Variants in LAMP2 observed in about 807,000 individuals in gnomAD.
LAMP2 encodes lysosome associated membrane protein 2, also known as lysosome-associated membrane glycoprotein 2.
In LAMP2, 4 loss-of-function variants were observed where a neutral mutation model predicts 25.6. The observed-to-expected ratio is 0.16, with a 90% CI of 0.08 to 0.36. The LOEUF (loss-of-function observed/expected upper bound fraction) is 0.36. Among genes scored for constraint, LAMP2 ranks in the 10% least tolerant of loss-of-function variants. LAMP2 has a pLI of 1.00. For synonymous variants in LAMP2, 108 were observed against 112.7 expected (o/e 0.96, Z 0.27); for missense variants, 272 against 301.4 (o/e 0.90, Z 0.72).
intron 4 of LAMP2, 111 bp from the exon 5 acceptor site, chrX:120,448,136 T>G: frequency 1.6e-6 from 1 of 637,090 alleles, no homozygotes; most frequent in Non-Finnish European, 2.6e-6. Context: ...AGGGTTATAT[T>G]AGGGGAAGAG....
At chrX:120,463,072 CA>C (rs946425381) in intron 1 of LAMP2, among the ~76,000 whole-genome samples, 4 of 111,967 alleles carry the variant, frequency 3.6e-5, no homozygotes, top group African/African-American at 1.3e-4. Flanking sequence ...TGATGTTGAG[CA>C]AAAGGTCTTT....
intron 1 of LAMP2, among the ~76,000 whole-genome samples, chrX:120,463,851 A>AG (rs1404911306): frequency 9.3e-6 from 1 of 107,947 alleles, no homozygotes; most frequent in African/African-American, 3.5e-5. Context: ...CAGATGTGAT[A>AG]ATCAATGACT....
chrX:120,434,243 T>C (rs1885314433), intron 8 of LAMP2, among the ~76,000 whole-genome samples: 1 of 112,068 alleles, frequency 8.9e-6, no homozygotes, highest in African/African-American at 3.2e-5. Context: ...CTTTCCCAAA[T>C]TGGGTATTTG....
At chrX:120,456,036 ATTT>A (rs66809896) in intron 2 of LAMP2, among the ~76,000 whole-genome samples, 10 of 89,615 alleles carry the variant, frequency 1.1e-4, no homozygotes, top group Admixed American at 9.6e-4. Flanking sequence ...TAAGTAAGCG[ATTT>A]TTTTTTTTTT....
intron 3 of LAMP2, among the ~76,000 whole-genome samples, chrX:120,449,593 G>A (rs1464523988): frequency 1.8e-5 from 2 of 111,046 alleles, no homozygotes; most frequent in Non-Finnish European, 3.8e-5. Context: ...CAGCCTGGAT[G>A]ACAAGAGCAA....
At chrX:120,431,510 T>C (rs1306021718) in intron 8 of LAMP2, 48 bp from the exon 9 acceptor site, 3 of 1,127,064 alleles carry the variant, frequency 2.7e-6, no homozygotes, top group Non-Finnish European at 3.7e-6. Flanking sequence ...TGACAAACTT[T>C]CAAATCTGTG....
rs2058510280 is a variant in LAMP2 at position 120,428,968 on chromosome X, CTCTT to C, written c.*2351_*2354del. On this transcript the variant is annotated 3_prime_UTR_variant, in exon 9 of 9. Coordinates refer to ENST00000200639, the MANE Select transcript of LAMP2 (RefSeq NM_002294.3). ...ACCACTGCCTGTGTATTTCCCTACT[CTCTT>C]TCTCTTCGTCACACCTATAATTAAA... 1 of 708,674 alleles carries C rather than the reference CTCTT, an allele frequency of 1.4e-6. No homozygotes were observed. Among genetic ancestry groups the C allele is most frequent in the Admixed American group, 9.2e-5 (1 of 10,923 alleles). The allele number at this position is 708,674 out of a possible 1,213,427, so 58.4% of individuals were successfully genotyped here.
At chrX:120,452,796 A>G (rs918856602) in intron 3 of LAMP2, among the ~76,000 whole-genome samples, 2 of 102,149 alleles carry the variant, frequency 2.0e-5, no homozygotes, top group Non-Finnish European at 3.9e-5. Context: ...TCAAGTGATC[A>G]GCCTGCCTCG....
At chrX:120,443,982 GAAAGA>G (rs1282922452) in intron 6 of LAMP2, among the ~76,000 whole-genome samples, 6 of 100,454 alleles carry the variant, frequency 6.0e-5, no homozygotes, top group Non-Finnish European at 1.0e-4. Flanking sequence ...CTCTGTCAAA[GAAAGA>G]AAAGAAAAGA....
Position 120,446,491 on chromosome X carries a change from C to T in LAMP2, c.742-64G>A, listed in dbSNP as rs1042813459. ...TATAAAAGTGGCCAGCAAAGCCTTA[C>T]ACTCTACCAAACAAAATCAACTTCA... On this transcript the variant is annotated intron_variant, in intron 5 of 8. Transcript: ENST00000200639. The T allele has an allele frequency of 1.1e-4, 120 of 1,099,354 alleles. No homozygotes were observed. The African/African-American group carries it at 1.9e-3, about 18-fold the overall frequency. The allele number at this position is 1,099,354 out of a possible 1,213,427, so 90.6% of individuals were successfully genotyped here.
At chrX:120,436,129 TACACACAC>T (rs752616648) in intron 8 of LAMP2, among the ~76,000 whole-genome samples, 6,033 of 89,529 alleles carry the variant, frequency 0.067, 198 homozygotes, top group South Asian at 0.18. Context: ...CAGGGGAGCT[TACACACAC>T]ACACACACAC....
chrX:120,433,437 A>C (rs192474623), intron 8 of LAMP2, among the ~76,000 whole-genome samples: 1 of 112,061 alleles, frequency 8.9e-6, no homozygotes, highest in East Asian at 2.8e-4. Flanking sequence ...AAATAGGATG[A>C]GGGAAACAGC....
intron 1 of LAMP2, among the ~76,000 whole-genome samples, chrX:120,465,544 T>G (rs1373047902): frequency 1.8e-5 from 2 of 112,307 alleles, no homozygotes; most frequent in African/African-American, 3.2e-5. Context: ...ACCAGCATAA[T>G]TTAATCTCTA....
At chrX:120,460,292 G>A (rs1247809513) in intron 1 of LAMP2, among the ~76,000 whole-genome samples, 6 of 110,347 alleles carry the variant, frequency 5.4e-5, no homozygotes, top group Non-Finnish European at 1.1e-4. Context: ...AAATCATAAC[G>A]AGGAGGAGGA....
In LAMP2 at chrX:120,438,556, T is replaced by C. The variant is rs914671869; in HGVS notation, c.1093+3174A>G. The C allele has an allele frequency of 8.0e-6, 6 of 749,971 alleles. No individual in the cohort carries two copies. In the African/African-American group the frequency reaches 1.4e-4, roughly 17 times the overall value. The allele number at this position is 749,971 out of a possible 1,213,427, so 61.8% of individuals were successfully genotyped here. On this transcript the variant is annotated intron_variant, in intron 8 of 8. Coordinates refer to ENST00000200639, the MANE Select transcript of LAMP2 (RefSeq NM_002294.3). ...CATTACAGCCACATAAATACAAATGTATTCAAAAGGCATTAGAAAAGCATT... is the reference window on the plus strand; with the variant it reads ...CATTACAGCCACATAAATACAAATGCATTCAAAAGGCATTAGAAAAGCATT...
At position 120,441,863 on chromosome X, in the gene LAMP2, G is replaced by A. The variant is rs371959861; in HGVS notation, c.960C>T (p.Tyr320=). 2.5e-6 allele frequency: 3 copies of A among 1,209,055 alleles called. No individual in the cohort carries two copies. In the African/African-American group the frequency reaches 5.2e-5, roughly 21 times the overall value. ...VFSIANNNLS[Y]WDAPLGSSYM... is the part of the protein sequence containing the mutation. ...AAGAACTTCCCAGGGGGGCATCCCA[G>A]TAGCTGAGATTGTTATTTGCAATGC... Residue 320 remains tyrosine (Y), a synonymous_variant, in exon 8 of 9, where the codon TAC becomes TAT. Transcript: ENST00000200639.
intron 8 of LAMP2, among the ~76,000 whole-genome samples, chrX:120,433,844 G>A (rs2058532246): frequency 8.9e-6 from 1 of 112,005 alleles, no homozygotes; most frequent in South Asian, 3.7e-4. Flanking sequence ...TGGCAATTCT[G>A]ATTGTGCTTG....
intron 1 of LAMP2, among the ~76,000 whole-genome samples, chrX:120,465,853 A>G (rs752928724): frequency 1.8e-5 from 2 of 112,161 alleles, no homozygotes; most frequent in Admixed American, 9.5e-5. Flanking sequence ...AAAACCTATT[A>G]TTGGTATCCA....
Position 120,428,748 on chromosome X carries a change from C to G in LAMP2, c.*2575G>C, listed in dbSNP as rs77126790. On this transcript the variant is annotated 3_prime_UTR_variant, in exon 9 of 9. Transcript: ENST00000200639. ...ATAGCTTAGTTTTTTATAGCATTAC[C>G]TCTATTTTCTTATTTGCTCAATATC... 2,864 of 1,053,747 alleles carry G rather than the reference C, an allele frequency of 2.7e-3. 55 individuals are homozygous for G. In the African/African-American group the frequency reaches 0.047, roughly 17 times the overall value. 86.8% of individuals were successfully genotyped at this position (1,053,747 alleles called of 1,213,427 possible). A position where few individuals can be genotyped will look rare whatever the true frequency, so the allele number is the denominator to read the frequency against.
Sources: gnomAD v4.1 joint callset for allele counts (sites outside exome capture counted in the v4.1 genomes callset) on GRCh38, gnomAD v4.1.1 for gene constraint, MANE v1.5 for transcripts, NCBI Gene and HGNC (gene_info 2026-07-23, HGNC 2026-07-21) for gene names.